OIP5: variants seen among roughly 807,000 people sequenced by gnomAD.
OIP5 encodes the protein Opa interacting protein 5.
OIP5 carries 24 observed loss-of-function variants against 20.3 expected under a neutral mutation model. The ratio of observed to expected loss-of-function variants is 1.18; its 90% CI spans 0.86 to 1.66. The LOEUF (loss-of-function observed/expected upper bound fraction) is 1.66. OIP5 is among the 40% of genes most tolerant of loss of function. The pLI, the probability that OIP5 is intolerant of heterozygous loss-of-function variation, is 0.00. For missense variants in OIP5, 339 were observed against 289.5 expected (o/e 1.17, Z -1.24); for synonymous variants, 143 against 121.3 (o/e 1.18, Z -1.17).
chr15:41,325,849 CAAA>C (rs35329564), intron 2 of OIP5, among the ~76,000 whole-genome samples: 3 of 98,796 alleles, frequency 3.0e-5, no homozygotes, highest in Admixed American at 1.2e-4. Context: ...GACTCCGTCT[CAAA>C]AAAAAAAAAA....
At chr15:41,315,099 C>CA (rs761038863) in intron 3 of OIP5, among the ~76,000 whole-genome samples, 3,603 of 57,318 alleles carry the variant, frequency 0.063, 66 homozygotes, top group Middle Eastern at 0.14. Flanking sequence ...GACCCTGTCT[C>CA]AAAAAAAAAA....
intron 2 of OIP5, among the ~76,000 whole-genome samples, chr15:41,324,108 C>G: frequency 6.6e-6 from 1 of 151,146 alleles, no homozygotes; most frequent in Non-Finnish European, 1.5e-5. Flanking sequence ...AGCCTTCCTT[C>G]TCAGCCTCCC....
intron 4 of OIP5, among the ~76,000 whole-genome samples, chr15:41,311,109 T>C (rs1234260567): frequency 1.3e-5 from 2 of 152,144 alleles, no homozygotes; most frequent in African/African-American, 2.4e-5. Flanking sequence ...CACTCACACC[T>C]GTAATCCCAG....
chr15:41,329,488 G>T (rs1235523918), intron 2 of OIP5, among the ~76,000 whole-genome samples: 1 of 151,510 alleles, frequency 6.6e-6, no homozygotes, highest in East Asian at 1.9e-4. Flanking sequence ...CCTAATTTTT[G>T]TACTTTTAGT....
intron 2 of OIP5, among the ~76,000 whole-genome samples, chr15:41,330,210 C>A (rs1001609417): frequency 1.1e-4 from 16 of 151,658 alleles, no homozygotes; most frequent in African/African-American, 3.9e-4. Context: ...CCCTCCTCAG[C>A]CTCCTGGGAT....
chr15:41,326,869 C>G (rs1323773706), intron 2 of OIP5, among the ~76,000 whole-genome samples: 1 of 152,104 alleles, frequency 6.6e-6, no homozygotes, highest in Non-Finnish European at 1.5e-5. Flanking sequence ...ATCATGGGCA[C>G]TGGAGAATAT....
At chr15:41,313,827 G>C (rs2047773797) in intron 3 of OIP5, among the ~76,000 whole-genome samples, 1 of 151,904 alleles carries the variant, frequency 6.6e-6, no homozygotes, top group South Asian at 2.1e-4. Flanking sequence ...CATGGATTTT[G>C]GTATCTGGTG....
chr15:41,324,556 C>G (rs147072617), intron 2 of OIP5, among the ~76,000 whole-genome samples: 231 of 152,146 alleles, frequency 1.5e-3, no homozygotes, highest in Non-Finnish European at 2.2e-3. Flanking sequence ...ATGGTGTGTT[C>G]TTGGTGCACT....
chr15:41,325,010 T>C (rs2047852842), intron 2 of OIP5, among the ~76,000 whole-genome samples: 1 of 152,206 alleles, frequency 6.6e-6, no homozygotes, highest in Non-Finnish European at 1.5e-5. Context: ...TTAAGTTTGC[T>C]ATCTTCAATG....
intron 2 of OIP5, among the ~76,000 whole-genome samples, chr15:41,327,947 C>A (rs781414395): frequency 1.3e-5 from 2 of 151,820 alleles, no homozygotes; most frequent in Admixed American, 6.6e-5. Context: ...ATCTCTACAA[C>A]AAATTAGCTG....
intron 3 of OIP5, among the ~76,000 whole-genome samples, chr15:41,317,462 C>T (rs1471875904): frequency 6.6e-6 from 1 of 151,768 alleles, no homozygotes; most frequent in Non-Finnish European, 1.5e-5. Context: ...TCACTGCAAC[C>T]TCTGACTCCC....
In OIP5 at chr15:41,320,708, G is replaced by A. The variant is rs373032423; in HGVS notation, c.390-928C>T. ...ACAGCCTCTGCCCAGCCGCCACCCC[G>A]TCTGGGAAGTGAGGAGCGTCTCTGC... On this transcript the variant is annotated intron_variant, in intron 2 of 4. Transcript: ENST00000220514. Among the ~76,000 whole-genome samples the A allele has an allele frequency of 4.3e-3, 653 of 152,008 alleles. 7 individuals carry two copies. Among genetic ancestry groups the A allele is most frequent in the African/African-American group, 0.015 (604 of 41,440 alleles).
In OIP5 at chr15:41,319,771, G is replaced by A; in HGVS notation, c.399C>T (p.Asn133=). The change falls in exon 3 of 5, where the codon AAC becomes AAT. Residue 133 remains asparagine, a synonymous_variant. Transcript: ENST00000220514. ...IEGSLKGSTY[N]LLFCGSCGIP... ...TCCCACAAGAACCACAGAATAAAAG[G>A]TTGTAAGTACTAGGGGTGGGGAAAA... 1 of 1,611,784 alleles carries A rather than the reference G, an allele frequency of 6.2e-7. No homozygotes were observed. The highest frequency in any genetic ancestry group is 8.5e-7 in the Non-Finnish European group (1 of 1,178,968).
chr15:41,324,376 T>A (rs1371740651), intron 2 of OIP5, among the ~76,000 whole-genome samples: 3 of 152,194 alleles, frequency 2.0e-5, no homozygotes, highest in African/African-American at 7.2e-5. Flanking sequence ...GGCCTTGTTC[T>A]GGATTAGGCT....
intron 2 of OIP5, 72 bp downstream of exon 2, chr15:41,331,843 T>C: frequency 7.9e-7 from 1 of 1,263,516 alleles, no homozygotes; most frequent in Non-Finnish European, 1.2e-6. Context: ...TTTCTCCTCG[T>C]ACATGTCAGT....
At chr15:41,312,115 A>G (rs2047759346) in intron 4 of OIP5, among the ~76,000 whole-genome samples, 1 of 135,660 alleles carries the variant, frequency 7.4e-6, no homozygotes, top group African/African-American at 2.5e-5. Flanking sequence ...CAGCCTCCCA[A>G]AGTGCTGGGA....
chr15:41,316,579 A>G (rs1403990108), intron 3 of OIP5, among the ~76,000 whole-genome samples: 3 of 151,992 alleles, frequency 2.0e-5, no homozygotes, highest in Admixed American at 6.6e-5. Flanking sequence ...CACGAGGTCA[A>G]GGAGATCGAG....
intron 2 of OIP5, among the ~76,000 whole-genome samples, chr15:41,321,424 A>AC (rs2047827228): frequency 6.6e-6 from 1 of 152,208 alleles, no homozygotes; most frequent in Admixed American, 6.5e-5. Flanking sequence ...TGGGAGGTGT[A>AC]CCCAACAGCT....
At chr15:41,311,799 C>T (rs1444409035) in intron 4 of OIP5, among the ~76,000 whole-genome samples, 1 of 152,048 alleles carries the variant, frequency 6.6e-6, no homozygotes, top group South Asian at 2.1e-4. Context: ...AACTCCTGAC[C>T]TCATGATCCA....
Sources: gnomAD v4.1 joint callset for allele counts (sites outside exome capture counted in the v4.1 genomes callset) on GRCh38, gnomAD v4.1.1 for gene constraint, MANE v1.5 for transcripts, NCBI Gene and HGNC (gene_info 2026-07-23, HGNC 2026-07-21) for gene names.